DUSP22: variants seen among roughly 807,000 people sequenced by gnomAD.
The protein encoded by DUSP22 is dual specificity phosphatase 22.
DUSP22 carries 24 observed loss-of-function variants against 24.5 expected under a neutral mutation model. That is an observed-to-expected ratio of 0.98 (90% CI 0.71 to 1.38). The LOEUF is 1.38. Among genes scored for constraint, DUSP22 ranks in the 40% most tolerant of loss-of-function variants. DUSP22 has a pLI of 0.00. For missense variants in DUSP22, 330 were observed against 269.2 expected (o/e 1.23, Z -1.58); for synonymous variants, 160 against 106.4 (o/e 1.50, Z -3.10).
intron 3 of DUSP22, among the ~76,000 whole-genome samples, chr6:334,497 TA>T (rs1759277786): frequency 6.6e-6 from 1 of 152,310 alleles, no homozygotes; most frequent in African/African-American, 2.4e-5. Context: ...ATATGAAGTT[TA>T]TTTTTTTCAA....
Position 349,616 on chromosome 6 carries a change from G to C in DUSP22, c.*665G>C. ...TCCTCTAGAGGGAGGGTGGCTCTGG[G>C]GCCCTGGAAAACGTGAGAGACTGCC... On this transcript the variant is annotated 3_prime_UTR_variant, in exon 7 of 7. Coordinates refer to ENST00000419235, the MANE Select transcript of DUSP22 (RefSeq NM_001286555.3). The C allele has an allele frequency of 1.0e-6, 1 of 987,292 alleles. No homozygotes were observed. The highest frequency in any genetic ancestry group is 1.2e-6 in the Non-Finnish European group (1 of 831,394). 61.2% of individuals were successfully genotyped at this position (987,292 alleles called of 1,614,324 possible). A position where few individuals can be genotyped will look rare whatever the true frequency, so the allele number is the denominator to read the frequency against.
Position 304,548 on chromosome 6 carries a change from G to C in DUSP22, c.22-80G>C. Reference sequence around the variant, plus strand: ...AGCACCTGGCCTTTGCAGGGATCCTGCTGCTGGATGAGGCCCCCTTCTGCA... The same window carrying C: ...AGCACCTGGCCTTTGCAGGGATCCTCCTGCTGGATGAGGCCCCCTTCTGCA... On this transcript the variant is annotated intron_variant, in intron 1 of 6. Coordinates refer to ENST00000419235, the MANE Select transcript of DUSP22 (RefSeq NM_001286555.3). 3 of 1,598,698 alleles carry C rather than the reference G, an allele frequency of 1.9e-6. No individual in the cohort carries two copies. The South Asian group carries it at 3.3e-5, about 18-fold the overall frequency.
intron 1 of DUSP22, among the ~76,000 whole-genome samples, chr6:300,213 C>G (rs1269117081): frequency 6.6e-6 from 1 of 152,306 alleles, no homozygotes; most frequent in Non-Finnish European, 1.5e-5. Flanking sequence ...GCCTGCGTCT[C>G]TGCATAGCCA....
intron 1 of DUSP22, among the ~76,000 whole-genome samples, chr6:304,170 G>A (rs1757709252): frequency 6.6e-6 from 1 of 152,306 alleles, no homozygotes; most frequent in Non-Finnish European, 1.5e-5. Flanking sequence ...GGACATAGAG[G>A]GCTACTGTCA....
At chr6:346,183 G>A (rs1368590522) in intron 5 of DUSP22, among the ~76,000 whole-genome samples, 2 of 152,290 alleles carry the variant, frequency 1.3e-5, no homozygotes, top group Non-Finnish European at 1.5e-5. Context: ...GGACCGTGAA[G>A]GTTACTGGAC....
At chr6:325,976 G>A (rs1758850118) in intron 3 of DUSP22, 1 of 233,460 alleles carries the variant, frequency 4.3e-6, no homozygotes, top group Non-Finnish European at 8.1e-6. Context: ...CCTGGTGTGT[G>A]CAATGCTGTA....
intron 1 of DUSP22, among the ~76,000 whole-genome samples, chr6:300,574 T>G (rs1284687017): frequency 6.6e-6 from 1 of 152,306 alleles, no homozygotes; most frequent in Non-Finnish European, 1.5e-5. Context: ...TGCGTGGAAG[T>G]AAATGGCAAA....
In DUSP22 at chr6:313,465, G is replaced by A. The variant is rs1371260181; in HGVS notation, c.138+1503G>A. Among the ~76,000 whole-genome samples the A allele has an allele frequency of 1.0e-4, 16 of 152,418 alleles. No individual in the cohort carries two copies. The South Asian group carries it at 2.7e-3, about 26-fold the overall frequency. ...TTTGTAACCCAGGTATAAAGAGCCCGCTGATTGTGTAAAACCTCAGAGCTG... is the reference window on the plus strand; with the variant it reads ...TTTGTAACCCAGGTATAAAGAGCCCACTGATTGTGTAAAACCTCAGAGCTG... On this transcript the variant is annotated intron_variant, in intron 3 of 6. Coordinates refer to ENST00000419235, the MANE Select transcript of DUSP22 (RefSeq NM_001286555.3).
chr6:348,077 C>T (rs368640593), intron 5 of DUSP22, 26 bp from the exon 6 acceptor site: 2 of 1,613,114 alleles, frequency 1.2e-6, no homozygotes, highest in Admixed American at 1.7e-5. Flanking sequence ...ACTGCCCTCA[C>T]ACATGTGCTT....
intron 3 of DUSP22, among the ~76,000 whole-genome samples, chr6:319,296 G>C (rs1758478159): frequency 6.6e-6 from 1 of 152,312 alleles, no homozygotes; most frequent in African/African-American, 2.4e-5. Context: ...GTTCAGGCCT[G>C]GCTGGAAGGT....
At chr6:332,644 C>CTTTTTTTTTTTTTTT (rs3053546) in intron 3 of DUSP22, among the ~76,000 whole-genome samples, 14 of 148,066 alleles carry the variant, frequency 9.5e-5, no homozygotes, top group Non-Finnish European at 6.0e-5. Flanking sequence ...TCCTGTCCTT[C>CTTTTTTTTTTTTTTT]TTTTTTTTTT....
At chr6:310,990 T>G (rs1237832581) in intron 2 of DUSP22, among the ~76,000 whole-genome samples, 1 of 152,308 alleles carries the variant, frequency 6.6e-6, no homozygotes, top group African/African-American at 2.4e-5. Context: ...GCTTGAGGAC[T>G]GTAGCCTGAA....
chr6:329,083 A>G (rs1759019745), intron 3 of DUSP22, among the ~76,000 whole-genome samples: 1 of 152,306 alleles, frequency 6.6e-6, no homozygotes, highest in Admixed American at 6.5e-5. Context: ...GCATTCTCTT[A>G]TGCTTTCTGT....
At chr6:295,080 T>TAA (rs57047001) in intron 1 of DUSP22, among the ~76,000 whole-genome samples, 1 of 152,158 alleles carries the variant, frequency 6.6e-6, no homozygotes. Context: ...GCTTCATCTG[T>TAA]AAAAAAAGAA....
intron 3 of DUSP22, among the ~76,000 whole-genome samples, chr6:320,580 C>T (rs1758540004): frequency 6.6e-6 from 1 of 152,304 alleles, no homozygotes. Context: ...AAGTGCCTAT[C>T]ATAGATGGCA....
intron 1 of DUSP22, among the ~76,000 whole-genome samples, chr6:298,151 A>G (rs1159558344): frequency 5.9e-5 from 9 of 152,296 alleles, no homozygotes; most frequent in Non-Finnish European, 1.2e-4. Flanking sequence ...TTAATATTAC[A>G]TTTTTATTTC....
intron 3 of DUSP22, among the ~76,000 whole-genome samples, chr6:318,641 AG>A (rs1459938616): frequency 6.6e-5 from 10 of 152,404 alleles, no homozygotes; most frequent in Middle Eastern, 3.4e-3. Flanking sequence ...TTTCCTGTCC[AG>A]AACCTGCAAG....
Position 348,767 on chromosome 6 carries a change from A to G in DUSP22, c.436-2A>G, listed in dbSNP as rs1760010431. On this transcript the variant is annotated splice_acceptor_variant, in intron 6 of 6. Transcript: ENST00000419235. LOFTEE classifies it high-confidence loss of function. ...TTTCGGGTTTGTTTCCATCCTCTCC[A>G]GTATCGGCAGTGGCTGAAGGAAGAA... 2 of 1,614,178 alleles carry G rather than the reference A, an allele frequency of 1.2e-6. No individual in the cohort carries two copies. The highest frequency in any genetic ancestry group is 1.1e-5 in the South Asian group (1 of 91,094).
intron 2 of DUSP22, among the ~76,000 whole-genome samples, chr6:307,844 G>A (rs1757881846): frequency 6.6e-6 from 1 of 152,302 alleles, no homozygotes; most frequent in Non-Finnish European, 1.5e-5. Context: ...GACAGTCCTG[G>A]TGGGTACCCA....
Sources: gnomAD v4.1 joint callset for allele counts (sites outside exome capture counted in the v4.1 genomes callset) on GRCh38, gnomAD v4.1.1 for gene constraint, MANE v1.5 for transcripts, NCBI Gene and HGNC (gene_info 2026-07-23, HGNC 2026-07-21) for gene names.